RB1: variants seen among roughly 807,000 people sequenced by gnomAD.
RB1 encodes retinoblastoma-associated protein.
A neutral mutation model predicts 135.4 loss-of-function variants in RB1; 18 were observed. The ratio of observed to expected loss-of-function variants is 0.13; its 90% CI spans 0.09 to 0.20. The LOEUF (loss-of-function observed/expected upper bound fraction) is 0.20, where lower values mean the gene tolerates loss of function less well. Among genes scored for constraint, RB1 ranks in the 10% least tolerant of loss-of-function variants. The pLI is 1.00. For synonymous variants in RB1, 365 were observed against 373.2 expected, an observed-to-expected ratio of 0.98 and a Z score of 0.25; for missense variants, 868 against 1,110.0, an observed-to-expected ratio of 0.78 and a Z score of 3.10.
intron 20 of RB1, among the ~76,000 whole-genome samples, chr13:48,462,424 CT>C (rs1429532166): frequency 2.0e-5 from 3 of 152,222 alleles, no homozygotes; most frequent in Non-Finnish European, 2.9e-5. Flanking sequence ...CATGCCCAGA[CT>C]GCTCATTTTT....
At position 48,456,182 on chromosome 13, in the gene RB1, CTT is replaced by C; in HGVS notation, c.1815-19_1815-18del. 1 of 1,613,464 alleles carries C rather than the reference CTT, an allele frequency of 6.2e-7. No individual in the cohort carries two copies. Among genetic ancestry groups the C allele is most frequent in the South Asian group, 1.1e-5 (1 of 90,966 alleles). ...ATTCTTAGCCAACTTGAAATGAAGA[CTT>C]TTCCTTTAAATATATCTAGGTATCT... On this transcript the variant is annotated intron_variant, in intron 18 of 26. Coordinates refer to ENST00000267163, the MANE Select transcript of RB1 (RefSeq NM_000321.3).
intron 3 of RB1, among the ~76,000 whole-genome samples, 159 bp downstream of exon 3, chr13:48,342,873 G>A (rs531726875): frequency 7.9e-5 from 12 of 152,140 alleles, no homozygotes; most frequent in African/African-American, 2.4e-4. Flanking sequence ...TCATGGAGCC[G>A]TTATGAAAGT....
rs908729851 is a variant in RB1, at chr13:48,321,125, C to G, written c.264+13719C>G. ...TGACTCGGCCAGGCCCCCTGCCACC[C>G]ACCGCGCTGACCCTGCCTGCGCTTG... On this transcript the variant is annotated intron_variant, in intron 2 of 26. Coordinates refer to ENST00000267163, the MANE Select transcript of RB1 (RefSeq NM_000321.3). Among the ~76,000 whole-genome samples, 38 of 152,076 alleles carry G rather than the reference C, an allele frequency of 2.5e-4. 1 individual carries two copies. The highest frequency in any genetic ancestry group is 9.2e-4 in the African/African-American group (38 of 41,432).
chr13:48,378,726 G>A (rs1428889701), intron 13 of RB1, among the ~76,000 whole-genome samples: 1 of 151,948 alleles, frequency 6.6e-6, no homozygotes, highest in Non-Finnish European at 1.5e-5. Flanking sequence ...ATGACTGGCA[G>A]TGCAATAGGT....
chr13:48,435,898 CT>C (rs1949178407), intron 17 of RB1, among the ~76,000 whole-genome samples: 1 of 152,124 alleles, frequency 6.6e-6, no homozygotes, highest in Admixed American at 6.5e-5. Context: ...AGAATTTAAA[CT>C]AATTATATTA....
intron 2 of RB1, among the ~76,000 whole-genome samples, chr13:48,312,284 C>G (rs1286148061): frequency 1.3e-5 from 2 of 151,954 alleles, no homozygotes; most frequent in East Asian, 1.9e-4. Context: ...TAGCTGAATA[C>G]TTTTTACTTT....
chr13:48,407,088 A>G (rs1353436669), intron 17 of RB1, among the ~76,000 whole-genome samples: 2 of 152,220 alleles, frequency 1.3e-5, no homozygotes, highest in African/African-American at 2.4e-5. Flanking sequence ...ACGATAATGG[A>G]ACCTAGCACA....
chr13:48,418,558 G>A (rs758743677), intron 17 of RB1, among the ~76,000 whole-genome samples: 1 of 151,988 alleles, frequency 6.6e-6, no homozygotes, highest in Non-Finnish European at 1.5e-5. Context: ...AAAGTAAACG[G>A]GCTAAGTGCC....
chr13:48,409,147 T>C (rs1421257068), intron 17 of RB1, among the ~76,000 whole-genome samples: 2 of 150,118 alleles, frequency 1.3e-5, no homozygotes, highest in African/African-American at 4.9e-5. Context: ...TTTTTTCTTT[T>C]CTCTTTTTTT....
Position 48,481,461 on chromosome 13 carries a change from A to C in RB1, c.*1390A>C, listed in dbSNP as rs547447407. 1 of 231,168 alleles carries C rather than the reference A, an allele frequency of 4.3e-6. No homozygotes were observed. The highest frequency in any genetic ancestry group is 2.2e-5 in the African/African-American group (1 of 45,340). The allele number at this position is 231,168 out of a possible 1,614,324, so 14.3% of individuals were successfully genotyped here. On this transcript the variant is annotated 3_prime_UTR_variant, in exon 27 of 27. Transcript: ENST00000267163. ...AGGTAGCTTCAGCTAGCTTTTAGGA[A>C]AATCACTTTGTCTAACTCAGAATTA...
At chr13:48,399,419 A>C (rs1042289339) in intron 17 of RB1, among the ~76,000 whole-genome samples, 5 of 152,076 alleles carry the variant, frequency 3.3e-5, no homozygotes, top group Admixed American at 6.6e-5. Flanking sequence ...ATAGATAAGC[A>C]GAAAGAATAC....
intron 17 of RB1, among the ~76,000 whole-genome samples, chr13:48,432,759 T>C (rs1566224678): frequency 6.6e-6 from 1 of 152,126 alleles, no homozygotes; most frequent in Non-Finnish European, 1.5e-5. Context: ...GAATATAAAA[T>C]TTTATTTCCT....
rs1952716240 is a variant in RB1 at position 48,367,536 on chromosome 13, A to C, written c.982A>C (p.Asn328His). 2 of 1,604,672 alleles carry C rather than the reference A, an allele frequency of 1.2e-6. No individual in the cohort carries two copies. The highest frequency in any genetic ancestry group is 2.2e-5 in the South Asian group (2 of 90,898). ...ACGATACGAAGAAATTTATCTTAAA[A>C]ATAAAGATCTAGATGCAAGATTATT... ...SKRYEEIYLK[N>H]KDLDARLFLD... The change falls in exon 10 of 27, where the codon AAT (asparagine) becomes CAT (histidine). Residue 328 changes from asparagine to histidine, a missense_variant. This residue lies in a region of RB1 where 641 missense variants were observed against 791.3 expected (regional missense o/e 0.81). Coordinates refer to ENST00000267163, the MANE Select transcript of RB1 (RefSeq NM_000321.3).
At position 48,438,205 on chromosome 13, in the gene RB1, G is replaced by A. The variant is rs548893923; in HGVS notation, c.1696-14788G>A. ...GGAAAGAAAAATTTCTGTCTCAAAG[G>A]CTTGTGTGCCAGGTGCCCTTCTAAG... On this transcript the variant is annotated intron_variant, in intron 17 of 26. Transcript: ENST00000267163. Among the ~76,000 whole-genome samples, 3 of 152,190 alleles carry A rather than the reference G, an allele frequency of 2.0e-5. No homozygotes were observed. The South Asian group carries it at 6.2e-4, about 32-fold the overall frequency.
Position 48,368,348 on chromosome 13 carries a change from T to G in RB1, c.1050-179T>G, listed in dbSNP as rs1220264907. Among the ~76,000 whole-genome samples the G allele has an allele frequency of 2.0e-5, 3 of 151,822 alleles. No homozygotes were observed. In the East Asian group the frequency reaches 5.8e-4, roughly 29 times the overall value. On this transcript the variant is annotated intron_variant, in intron 10 of 26. Coordinates refer to ENST00000267163, the MANE Select transcript of RB1 (RefSeq NM_000321.3). Reference sequence around the variant, plus strand: ...GAAAGAGACCCACAATTAAAAAGAGTAGTGAAAAATATTTTATTTAAGCAG... The same window carrying G: ...GAAAGAGACCCACAATTAAAAAGAGGAGTGAAAAATATTTTATTTAAGCAG...
At chr13:48,345,054 AC>A (rs752335969) in intron 3 of RB1, 25 bp from the exon 4 acceptor site, 2 of 1,600,724 alleles carry the variant, frequency 1.2e-6, no homozygotes, top group Non-Finnish European at 1.7e-6. Context: ...TTACTGATTT[AC>A]TTTTTTCTAT....
rs1948528953 is a variant in RB1 at position 48,380,788 on chromosome 13, T to C, written c.1499-459T>C. 2.0e-5 allele frequency among the ~76,000 whole-genome samples: 3 copies of C among 152,222 alleles called. No homozygotes were observed. The South Asian group carries it at 6.2e-4, about 32-fold the overall frequency. On this transcript the variant is annotated intron_variant, in intron 16 of 26. Coordinates refer to ENST00000267163, the MANE Select transcript of RB1 (RefSeq NM_000321.3). ...CAAAACACAGAAAAAGAGGAACTTT[T>C]AGTTTCCTTATTAGTAAACAGATAA...
chr13:48,412,222 A>G, intron 17 of RB1: 11 of 1,614,068 alleles, frequency 6.8e-6, no homozygotes, highest in Non-Finnish European at 9.3e-6. Context: ...GGTAAAGTAA[A>G]AACAAAAAGC....
At chr13:48,474,072 A>G (rs1949489345) in intron 24 of RB1, among the ~76,000 whole-genome samples, 1 of 152,206 alleles carries the variant, frequency 6.6e-6, no homozygotes, top group Non-Finnish European at 1.5e-5. Flanking sequence ...GGTCCAGAAG[A>G]GTCCCTAGCA....
Sources: allele counts gnomAD v4.1 joint callset (sites outside exome capture counted in the v4.1 genomes callset), GRCh38; gene constraint gnomAD v4.1.1; regional missense constraint gnomAD v4.1.1; transcripts MANE v1.5; gene names NCBI Gene and HGNC (gene_info 2026-07-23, HGNC 2026-07-21).